LRRC4C: variants seen among roughly 807,000 people sequenced by gnomAD.
LRRC4C encodes the protein leucine rich repeat containing 4C.
In LRRC4C, 5 loss-of-function variants were observed where a neutral mutation model predicts 33.6. The ratio of observed to expected loss-of-function variants is 0.15; its 90% CI spans 0.08 to 0.31. The LOEUF (loss-of-function observed/expected upper bound fraction) is 0.31. Among genes scored for constraint, LRRC4C ranks in the 10% least tolerant of loss-of-function variants. LRRC4C has a pLI of 1.00. For synonymous variants in LRRC4C, 329 were observed against 302.0 expected, an observed-to-expected ratio of 1.09 and a Z score of -0.93; for missense variants, 560 against 796.7, an observed-to-expected ratio of 0.70 and a Z score of 3.58.
rs189033066 is a variant in LRRC4C at position 40,556,790 on chromosome 11, G to C, written c.-270+91352C>G. Among the ~76,000 whole-genome samples, 20 of 152,268 alleles carry C rather than the reference G, an allele frequency of 1.3e-4. 1 individual carries two copies. The East Asian group carries it at 3.5e-3, about 26-fold the overall frequency. On this transcript the variant is annotated intron_variant, in intron 3 of 6. Coordinates refer to ENST00000528697, the MANE Select transcript of LRRC4C (RefSeq NM_001258419.2). ...ATCAAAGGCTACTTACAAACTGCAAGAGATTAAAAATCAAAAGTTCTATAA... is the reference window on the plus strand; with the variant it reads ...ATCAAAGGCTACTTACAAACTGCAACAGATTAAAAATCAAAAGTTCTATAA...
intron 1 of LRRC4C, among the ~76,000 whole-genome samples, chr11:41,280,097 GA>G (rs1201858239): frequency 3.3e-5 from 5 of 152,054 alleles, no homozygotes; most frequent in African/African-American, 1.2e-4. Context: ...GTAAGCTCTG[GA>G]AAAGCAAGAA....
intron 1 of LRRC4C, among the ~76,000 whole-genome samples, chr11:41,112,611 T>G (rs141275026): frequency 6.6e-6 from 1 of 152,196 alleles, no homozygotes; most frequent in East Asian, 1.9e-4. Context: ...TCTGTTTTTC[T>G]TGGAACTGAT....
At chr11:41,458,284 T>A (rs1463181908) in intron 1 of LRRC4C, among the ~76,000 whole-genome samples, 1 of 152,084 alleles carries the variant, frequency 6.6e-6, no homozygotes, top group Admixed American at 6.6e-5. Flanking sequence ...CTCTTAAGGA[T>A]AAACCATCCA....
At chr11:41,187,740 C>G (rs1324114924) in intron 1 of LRRC4C, among the ~76,000 whole-genome samples, 1 of 152,202 alleles carries the variant, frequency 6.6e-6, no homozygotes, top group Non-Finnish European at 1.5e-5. Context: ...GTAACTTGCC[C>G]ACTAGGGCTT....
At chr11:41,128,398 G>C (rs1229583138) in intron 1 of LRRC4C, among the ~76,000 whole-genome samples, 2 of 152,098 alleles carry the variant, frequency 1.3e-5, no homozygotes, top group African/African-American at 4.8e-5. Context: ...AACCACACAG[G>C]ACTGTTAGCT....
intron 2 of LRRC4C, among the ~76,000 whole-genome samples, chr11:40,921,940 T>C (rs1322503702): frequency 6.6e-6 from 1 of 152,194 alleles, no homozygotes; most frequent in Non-Finnish European, 1.5e-5. Context: ...TACTCTGTAA[T>C]ATTCCTTACA....
chr11:40,261,842 C>T (rs11035756), intron 4 of LRRC4C, among the ~76,000 whole-genome samples: 73,394 of 151,918 alleles, frequency 0.48, 20,161 homozygotes, highest in East Asian at 0.74. Context: ...TAACTCAGGA[C>T]GGATTAAAGA....
intron 1 of LRRC4C, among the ~76,000 whole-genome samples, chr11:41,114,620 T>A (rs184874174): frequency 1.5e-3 from 227 of 152,174 alleles, no homozygotes; most frequent in African/African-American, 5.2e-3. Flanking sequence ...TACACATCTC[T>A]AAATTTTAAA....
intron 3 of LRRC4C, among the ~76,000 whole-genome samples, chr11:40,532,781 T>C (rs1008860015): frequency 2.0e-5 from 3 of 152,104 alleles, no homozygotes; most frequent in Non-Finnish European, 4.4e-5. Flanking sequence ...TAATCCATTC[T>C]CTCACTGTTA....
chr11:41,092,090 A>C (rs1223565792), intron 1 of LRRC4C, among the ~76,000 whole-genome samples: 1 of 152,178 alleles, frequency 6.6e-6, no homozygotes, highest in Non-Finnish European at 1.5e-5. Context: ...TTTACAATAA[A>C]AACGTATTAT....
intron 5 of LRRC4C, among the ~76,000 whole-genome samples, chr11:40,189,706 G>T (rs1204859101): frequency 1.3e-5 from 2 of 152,144 alleles, no homozygotes; most frequent in Non-Finnish European, 2.9e-5. Context: ...CTTAAATAAG[G>T]CCTCTATGTG....
intron 2 of LRRC4C, among the ~76,000 whole-genome samples, chr11:40,801,347 T>C (rs1340179807): frequency 6.6e-6 from 1 of 152,196 alleles, no homozygotes; most frequent in Non-Finnish European, 1.5e-5. Context: ...GGCACACCTT[T>C]ATACCACCTT....
intron 3 of LRRC4C, among the ~76,000 whole-genome samples, chr11:40,412,526 G>A (rs140775424): frequency 2.0e-5 from 3 of 152,132 alleles, no homozygotes; most frequent in South Asian, 2.1e-4. Context: ...AACAACAAAT[G>A]CATCTCCTCT....
At chr11:41,193,275 C>A (rs556164307) in intron 1 of LRRC4C, among the ~76,000 whole-genome samples, 2 of 152,098 alleles carry the variant, frequency 1.3e-5, no homozygotes, top group African/African-American at 4.8e-5. Flanking sequence ...TGATAATGCC[C>A]AAGACTGAAG....
intron 3 of LRRC4C, among the ~76,000 whole-genome samples, chr11:40,339,841 G>A (rs1946789526): frequency 6.6e-6 from 1 of 152,072 alleles, no homozygotes; most frequent in Non-Finnish European, 1.5e-5. Context: ...TCTCCAAGGA[G>A]CAATAGTAAA....
chr11:40,899,465 G>GAA (rs1212919471), intron 2 of LRRC4C, among the ~76,000 whole-genome samples: 2 of 152,124 alleles, frequency 1.3e-5, no homozygotes, highest in African/African-American at 2.4e-5. Context: ...GAGAAAGAAA[G>GAA]AAACTTTCAT....
chr11:40,479,255 T>C (rs1199260224), intron 3 of LRRC4C, among the ~76,000 whole-genome samples: 3 of 152,188 alleles, frequency 2.0e-5, no homozygotes, highest in African/African-American at 7.2e-5. Context: ...TCCTAGAGTA[T>C]GACATACAAA....
In LRRC4C at chr11:40,807,913, C is replaced by G. The variant is rs189030204; in HGVS notation, c.-407+125722G>C. On this transcript the variant is annotated intron_variant, in intron 2 of 6. Coordinates refer to ENST00000528697, the MANE Select transcript of LRRC4C (RefSeq NM_001258419.2). ...TGCCAGGGTGCAGTAGCCTAGAATT[C>G]CATGCCTGGGAATAATATTTTTGAT... Among the ~76,000 whole-genome samples the G allele has an allele frequency of 2.6e-5, 4 of 152,268 alleles. No individual in the cohort carries two copies. In the East Asian group the frequency reaches 7.7e-4, roughly 29 times the overall value.
Position 40,690,172 on chromosome 11 carries a change from A to T in LRRC4C, c.-406-41894T>A, listed in dbSNP as rs191088587. ...ATAATTACAATGATTACAAATACTG[A>T]GGACTATTAAGGGCTTACAGTGAAC... is the stretch of plus-strand genomic sequence containing the variant. On this transcript the variant is annotated intron_variant, in intron 2 of 6. Transcript: ENST00000528697. Among the ~76,000 whole-genome samples, 4 of 152,192 alleles carry T rather than the reference A, an allele frequency of 2.6e-5. No individual in the cohort carries two copies. The East Asian group carries it at 7.7e-4, about 29-fold the overall frequency.
Sources: allele counts gnomAD v4.1 joint callset (sites outside exome capture counted in the v4.1 genomes callset), GRCh38; gene constraint gnomAD v4.1.1; transcripts MANE v1.5; gene names NCBI Gene and HGNC (gene_info 2026-07-23, HGNC 2026-07-21).